Variants in KCTD12 observed in about 807,000 individuals in gnomAD.
KCTD12 encodes the protein BTB/POZ domain-containing protein KCTD12.
KCTD12 carries 16 observed loss-of-function variants against 22.6 expected under a neutral mutation model. The ratio of observed to expected loss-of-function variants is 0.71; its 90% confidence interval spans 0.48 to 1.07. The LOEUF (loss-of-function observed/expected upper bound fraction) is 1.07, where lower values mean the gene tolerates loss of function less well. KCTD12 is among the 50% of genes least tolerant of loss of function. The probability of loss-of-function intolerance (pLI) is 0.00; values close to 1 mark genes in which losing one functional copy is unlikely to be tolerated. For missense variants in KCTD12, 452 were observed against 469.2 expected (o/e 0.96, Z 0.34); for synonymous variants, 260 against 228.0 (o/e 1.14, Z -1.26).
Position 76,882,608 on chromosome 13 carries a change from A to G in KCTD12, c.*2563T>C, listed in dbSNP as rs1414432209. The G allele has an allele frequency of 6.6e-6, 1 of 152,224 alleles. No individual in the cohort carries two copies. The highest frequency in any genetic ancestry group is 1.5e-5 in the Non-Finnish European group (1 of 68,036). 9.4% of individuals were successfully genotyped at this position (152,224 alleles called of 1,614,324 possible). ...GGTCTGTCCCAAGATGTTCTCAATCATGTGCTTCCTGTTGAACAATCTAAC... is the reference window on the plus strand; with the variant it reads ...GGTCTGTCCCAAGATGTTCTCAATCGTGTGCTTCCTGTTGAACAATCTAAC... On this transcript the variant is annotated 3_prime_UTR_variant, in exon 1 of 1. Transcript: ENST00000377474.
rs2033192091 is a variant in KCTD12 at position 76,880,571 on chromosome 13, G to C, written c.*4600C>G. The C allele has an allele frequency of 6.6e-6, 1 of 152,506 alleles. No individual in the cohort carries two copies. The highest frequency in any genetic ancestry group is 1.5e-5 in the Non-Finnish European group (1 of 68,004). The allele number at this position is 152,506 out of a possible 1,614,324, so 9.4% of individuals were successfully genotyped here. On this transcript the variant is annotated 3_prime_UTR_variant, in exon 1 of 1. Coordinates refer to ENST00000377474, the MANE Select transcript of KCTD12 (RefSeq NM_138444.4). ...AATCTTACATTGTCTAGCAGATAAG[G>C]TTTTCAGATGCCTGGAAAAATTTAA...
chr13:76,884,430 C>T lies in KCTD12; in HGVS notation c.*741G>A, dbSNP rs989392503. On this transcript the variant is annotated 3_prime_UTR_variant, in exon 1 of 1. Coordinates refer to ENST00000377474, the MANE Select transcript of KCTD12 (RefSeq NM_138444.4). ...TGGCGAGCAGCAGCTGAAAAGGGCG[C>T]CTCTGCAGGCAGGCGGATCACTTTC... 2.6e-5 allele frequency: 4 copies of T among 152,242 alleles called. No individual in the cohort carries two copies. Among genetic ancestry groups the T allele is most frequent in the Admixed American group, 2.0e-4 (3 of 15,284 alleles). 9.4% of individuals were successfully genotyped at this position (152,242 alleles called of 1,614,324 possible).
rs2033208494 is a variant in KCTD12 at position 76,881,890 on chromosome 13, G to A, written c.*3281C>T. Reference sequence around the variant, plus strand: ...CTACACCTTTTTAAAAATTAAGTTTGTTACTAAAAGTCCAATGTCATTCAC... The same window carrying A: ...CTACACCTTTTTAAAAATTAAGTTTATTACTAAAAGTCCAATGTCATTCAC... On this transcript the variant is annotated 3_prime_UTR_variant, in exon 1 of 1. Transcript: ENST00000377474. 6.9e-6 allele frequency: 1 copy of A among 145,378 alleles called. No homozygotes were observed. Among genetic ancestry groups the A allele is most frequent in the Non-Finnish European group, 1.5e-5 (1 of 66,428 alleles). The allele number at this position is 145,378 out of a possible 1,614,324, so 9.0% of individuals were successfully genotyped here. A position where few individuals can be genotyped will look rare whatever the true frequency, so the allele number is the denominator to read the frequency against.
Position 76,885,727 on chromosome 13 carries a change from G to A in KCTD12, c.422C>T (p.Pro141Leu). The A allele has an allele frequency of 2.1e-6, 3 of 1,407,668 alleles. No homozygotes were observed. Among genetic ancestry groups the A allele is most frequent in the Non-Finnish European group, 1.8e-6 (2 of 1,094,912 alleles). The allele number at this position is 1,407,668 out of a possible 1,614,324, so 87.2% of individuals were successfully genotyped here. The change falls in exon 1 of 1, where the codon CCC becomes CTC. Residue 141 changes from proline to leucine, a missense_variant. Physicochemically the swap from Pro to Leu is moderately conservative, Grantham distance 98. This residue lies in a region of KCTD12 where 330 missense variants were observed against 296.5 expected (regional missense o/e 1.11). Coordinates refer to ENST00000377474, the MANE Select transcript of KCTD12 (RefSeq NM_138444.4). The surrounding 1 kb of genome is among the most constrained non-coding windows in gnomAD (Gnocchi z 5.1). ...APQQPGPGPP[P>L]SRRGVHKEGS... ...CTCCTTGTGCACCCCGCGCCGCGAG[G>A]GCGGCGGCCCCGGGCCGGGCTGCTG...
chr13:76,886,282 G>GCCGCCACCA lies in KCTD12; in HGVS notation c.-135_-134insTGGTGGCGG, dbSNP rs1555308963. 1.1e-3 allele frequency: 1,173 copies of GCCGCCACCA among 1,092,648 alleles called. 12 individuals carry two copies. The African/African-American group carries it at 0.018, about 17-fold the overall frequency. The allele number at this position is 1,092,648 out of a possible 1,614,324, so 67.7% of individuals were successfully genotyped here. On this transcript the variant is annotated 5_prime_UTR_variant, in exon 1 of 1. Coordinates refer to ENST00000377474, the MANE Select transcript of KCTD12 (RefSeq NM_138444.4). Reference sequence around the variant, plus strand: ...CCCCGCCGCCGCCGCCGCCGCCACCGCCGCCACCGCCACCGCCGCCACCTC... The same window carrying GCCGCCACCA: ...CCCCGCCGCCGCCGCCGCCGCCACCGCCGCCACCACCGCCACCGCCACCGCCGCCACCTC...
Position 76,881,315 on chromosome 13 carries a change from C to G in KCTD12, c.*3856G>C, listed in dbSNP as rs1019107023. ...TAAATTCTCAAGGAATTCAACCCCT[C>G]CAGTCAATACTTTTTCTTAATGTCT... On this transcript the variant is annotated 3_prime_UTR_variant, in exon 1 of 1. Transcript: ENST00000377474. 11 of 151,444 alleles carry G rather than the reference C, an allele frequency of 7.3e-5. No homozygotes were observed. Among genetic ancestry groups the G allele is most frequent in the African/African-American group, 2.7e-4 (11 of 41,382 alleles). 9.4% of individuals were successfully genotyped at this position (151,444 alleles called of 1,614,324 possible).
rs2033215068 is a variant in KCTD12 at position 76,882,497 on chromosome 13, T to G, written c.*2674A>C. Reference sequence around the variant, plus strand: ...AGACTTGAGTGACAGAGGCAAAATTTTAGCAGTTTCTCAAGACTCTTGGAG... The same window carrying G: ...AGACTTGAGTGACAGAGGCAAAATTGTAGCAGTTTCTCAAGACTCTTGGAG... On this transcript the variant is annotated 3_prime_UTR_variant, in exon 1 of 1. Transcript: ENST00000377474. 1 of 152,214 alleles carries G rather than the reference T, an allele frequency of 6.6e-6. No homozygotes were observed. The highest frequency in any genetic ancestry group is 2.4e-5 in the African/African-American group (1 of 41,448). The allele number at this position is 152,214 out of a possible 1,614,324, so 9.4% of individuals were successfully genotyped here.
At position 76,881,196 on chromosome 13, in the gene KCTD12, G is replaced by A. The variant is rs2033198811; in HGVS notation, c.*3975C>T. ...GAAAAACAGGAAAACAATTCCAAAC[G>A]AAGGATTGACTCTGATAGGCTTACA... On this transcript the variant is annotated 3_prime_UTR_variant, in exon 1 of 1. Coordinates refer to ENST00000377474, the MANE Select transcript of KCTD12 (RefSeq NM_138444.4). 1 of 152,068 alleles carries A rather than the reference G, an allele frequency of 6.6e-6. No homozygotes were observed. Among genetic ancestry groups the A allele is most frequent in the Non-Finnish European group, 1.5e-5 (1 of 67,986 alleles). 9.4% of individuals were successfully genotyped at this position (152,068 alleles called of 1,614,324 possible). A position where few individuals can be genotyped will look rare whatever the true frequency, so the allele number is the denominator to read the frequency against.
At position 76,883,319 on chromosome 13, in the gene KCTD12, T is replaced by C. The variant is rs2033224366; in HGVS notation, c.*1852A>G. The C allele has an allele frequency of 6.6e-6, 1 of 152,322 alleles. No homozygotes were observed. The highest frequency in any genetic ancestry group is 6.5e-5 in the Admixed American group (1 of 15,288). 9.4% of individuals were successfully genotyped at this position (152,322 alleles called of 1,614,324 possible). A position where few individuals can be genotyped will look rare whatever the true frequency, so the allele number is the denominator to read the frequency against. On this transcript the variant is annotated 3_prime_UTR_variant, in exon 1 of 1. Coordinates refer to ENST00000377474, the MANE Select transcript of KCTD12 (RefSeq NM_138444.4). ...GGAAAAATAGCACTAATTTAAACACTGAAAACAGCTCTTACAAAATCCTTA... is the reference window on the plus strand; with the variant it reads ...GGAAAAATAGCACTAATTTAAACACCGAAAACAGCTCTTACAAAATCCTTA...
In KCTD12 at chr13:76,885,053, TG is replaced by T; in HGVS notation, c.*117del. On this transcript the variant is annotated 3_prime_UTR_variant, in exon 1 of 1. Coordinates refer to ENST00000377474, the MANE Select transcript of KCTD12 (RefSeq NM_138444.4). This position sits in a 1 kb window ranked among gnomAD's most constrained non-coding sequence, Gnocchi z 5.1. ...CGGACAGGTCTCACCCAGCTACTAC[TG>T]GAGGGGGAGAATGGGAGGGCAGCAG... 8.6e-7 allele frequency: 1 copy of T among 1,166,734 alleles called. No homozygotes were observed. Among genetic ancestry groups the T allele is most frequent in the Non-Finnish European group, 1.2e-6 (1 of 832,956 alleles). 72.3% of individuals were successfully genotyped at this position (1,166,734 alleles called of 1,614,324 possible). A position where few individuals can be genotyped will look rare whatever the true frequency, so the allele number is the denominator to read the frequency against.
rs1036925908 is a variant in KCTD12 at position 76,884,504 on chromosome 13, A to T, written c.*667T>A. On this transcript the variant is annotated 3_prime_UTR_variant, in exon 1 of 1. Transcript: ENST00000377474. ...GACCTTTTATTCTGTACGAGAAAGG[A>T]TCCTTTACTGTCCCACGCACTAGAT... 1 of 152,186 alleles carries T rather than the reference A, an allele frequency of 6.6e-6. No individual in the cohort carries two copies. Among genetic ancestry groups the T allele is most frequent in the South Asian group, 2.1e-4 (1 of 4,828 alleles). 9.4% of individuals were successfully genotyped at this position (152,186 alleles called of 1,614,324 possible).
rs1470900377 is a variant in KCTD12, at chr13:76,885,924, G to T, written c.225C>A (p.Asp75Glu). The change falls in exon 1 of 1, where the codon GAC becomes GAA. Residue 75 changes from aspartate (D) to glutamate (E), a missense_variant. Asp to Glu is a conservative substitution (Grantham distance 45). Coordinates refer to ENST00000377474, the MANE Select transcript of KCTD12 (RefSeq NM_138444.4). The surrounding 1 kb of genome is among the most constrained non-coding windows in gnomAD (Gnocchi z 5.1). ...GGTCCAGAAAGAAGCGGCCTTTGCTGTCCCGGGCCAGCTCCTGCGGCTGCT... is the reference window on the plus strand; with the variant it reads ...GGTCCAGAAAGAAGCGGCCTTTGCTTTCCCGGGCCAGCTCCTGCGGCTGCT... ...TQQQPQELAR[D>E]SKGRFFLDRD... The T allele has an allele frequency of 6.3e-7, 1 of 1,595,198 alleles. No homozygotes were observed. Among genetic ancestry groups the T allele is most frequent in the Admixed American group, 1.7e-5 (1 of 59,500 alleles).
Position 76,886,035 on chromosome 13 carries a change from C to G in KCTD12, c.114G>C (p.Leu38=). 2 of 1,587,992 alleles carry G rather than the reference C, an allele frequency of 1.3e-6. No individual in the cohort carries two copies. Among genetic ancestry groups the G allele is most frequent in the Non-Finnish European group, 1.7e-6 (2 of 1,170,886 alleles). ...EPPLFPDIVE[L]NVGGQVYVTR... Reference sequence around the variant, plus strand: ...TCACGTACACCTGGCCCCCCACGTTCAGCTCCACGATGTCGGGGAAGAGCG... The same window carrying G: ...TCACGTACACCTGGCCCCCCACGTTGAGCTCCACGATGTCGGGGAAGAGCG... The change falls in exon 1 of 1, where the codon CTG becomes CTC. Residue 38 remains leucine (L), a synonymous_variant. Coordinates refer to ENST00000377474, the MANE Select transcript of KCTD12 (RefSeq NM_138444.4).
Position 76,886,282 on chromosome 13 carries a change from G to A in KCTD12, c.-134C>T, listed in dbSNP as rs1199155449. On this transcript the variant is annotated 5_prime_UTR_variant, in exon 1 of 1. Coordinates refer to ENST00000377474, the MANE Select transcript of KCTD12 (RefSeq NM_138444.4). ...CCCCGCCGCCGCCGCCGCCGCCACCGCCGCCACCGCCACCGCCGCCACCTC... is the reference window on the plus strand; with the variant it reads ...CCCCGCCGCCGCCGCCGCCGCCACCACCGCCACCGCCACCGCCGCCACCTC... The A allele has an allele frequency of 1.7e-5, 19 of 1,092,642 alleles. No homozygotes were observed. The highest frequency in any genetic ancestry group is 1.3e-4 in the African/African-American group (7 of 55,940). 67.7% of individuals were successfully genotyped at this position (1,092,642 alleles called of 1,614,324 possible).
rs1179382495 is a variant in KCTD12, at chr13:76,880,806, T to C, written c.*4365A>G. ...TAATGTACCCATACCTCAAAACACA[T>C]TTAGAATTTAAAAAAACTGGCTTGG... is the stretch of plus-strand genomic sequence containing the variant. On this transcript the variant is annotated 3_prime_UTR_variant, in exon 1 of 1. Coordinates refer to ENST00000377474, the MANE Select transcript of KCTD12 (RefSeq NM_138444.4). 6.6e-6 allele frequency: 1 copy of C among 152,566 alleles called. No homozygotes were observed. The highest frequency in any genetic ancestry group is 2.4e-5 in the African/African-American group (1 of 41,416). The allele number at this position is 152,566 out of a possible 1,614,324, so 9.5% of individuals were successfully genotyped here. A position where few individuals can be genotyped will look rare whatever the true frequency, so the allele number is the denominator to read the frequency against.
In KCTD12 at chr13:76,885,045, G is replaced by T; in HGVS notation, c.*126C>A. ...AAGGTGGGCGGACAGGTCTCACCCA[G>T]CTACTACTGGAGGGGGAGAATGGGA... On this transcript the variant is annotated 3_prime_UTR_variant, in exon 1 of 1. Coordinates refer to ENST00000377474, the MANE Select transcript of KCTD12 (RefSeq NM_138444.4). The surrounding 1 kb of genome is among the most constrained non-coding windows in gnomAD (Gnocchi z 5.1). 1 of 1,072,090 alleles carries T rather than the reference G, an allele frequency of 9.3e-7. No homozygotes were observed. The highest frequency in any genetic ancestry group is 1.3e-6 in the Non-Finnish European group (1 of 751,738). The allele number at this position is 1,072,090 out of a possible 1,614,324, so 66.4% of individuals were successfully genotyped here.
Position 76,883,205 on chromosome 13 carries a change from G to C in KCTD12, c.*1966C>G, listed in dbSNP as rs1379742701. ...GTTTATATATGGTATATACAGCTTG[G>C]ATCACATGAGTCTAAGAATAAAACT... On this transcript the variant is annotated 3_prime_UTR_variant, in exon 1 of 1. Transcript: ENST00000377474. 3 of 152,124 alleles carry C rather than the reference G, an allele frequency of 2.0e-5. No individual in the cohort carries two copies. Among genetic ancestry groups the C allele is most frequent in the Non-Finnish European group, 4.4e-5 (3 of 68,020 alleles). The allele number at this position is 152,124 out of a possible 1,614,324, so 9.4% of individuals were successfully genotyped here.
Position 76,883,164 on chromosome 13 carries a change from A to G in KCTD12, c.*2007T>C, listed in dbSNP as rs565271105. On this transcript the variant is annotated 3_prime_UTR_variant, in exon 1 of 1. Coordinates refer to ENST00000377474, the MANE Select transcript of KCTD12 (RefSeq NM_138444.4). Reference sequence around the variant, plus strand: ...ATTAGTAAATGAATTAAAAAACTAAATGATTCATGTAAAATGTTTATATAT... The same window carrying G: ...ATTAGTAAATGAATTAAAAAACTAAGTGATTCATGTAAAATGTTTATATAT... 1.3e-5 allele frequency: 2 copies of G among 152,358 alleles called. No homozygotes were observed. Among genetic ancestry groups the G allele is most frequent in the Admixed American group, 6.5e-5 (1 of 15,310 alleles). The allele number at this position is 152,358 out of a possible 1,614,324, so 9.4% of individuals were successfully genotyped here.
In KCTD12 at chr13:76,884,802, A is replaced by T; in HGVS notation, c.*369T>A. 4.0e-6 allele frequency: 1 copy of T among 247,476 alleles called. No individual in the cohort carries two copies. Among genetic ancestry groups the T allele is most frequent in the East Asian group, 9.9e-5 (1 of 10,092 alleles). 15.3% of individuals were successfully genotyped at this position (247,476 alleles called of 1,614,324 possible). ...TTGGACACGGTCCAATCAGGTTCTGAACAATTCAATCATCCCCCGGTCTGT... is the reference window on the plus strand; with the variant it reads ...TTGGACACGGTCCAATCAGGTTCTGTACAATTCAATCATCCCCCGGTCTGT... On this transcript the variant is annotated 3_prime_UTR_variant, in exon 1 of 1. Coordinates refer to ENST00000377474, the MANE Select transcript of KCTD12 (RefSeq NM_138444.4).
Sources: gnomAD v4.1 joint callset for allele counts on GRCh38, gnomAD v4.1.1 for gene constraint, gnomAD v4.1.1 regional missense constraint, Gnocchi (gnomAD v3.1) non-coding constraint, MANE v1.5 for transcripts, NCBI Gene and HGNC (gene_info 2026-07-23, HGNC 2026-07-21) for gene names.